Variants in PTPN14 observed in about 807,000 individuals in gnomAD.
PTPN14 encodes protein tyrosine phosphatase non-receptor type 14, also known as tyrosine-protein phosphatase non-receptor type 14.
A neutral mutation model predicts 126.8 loss-of-function variants in PTPN14; 53 were observed. The ratio of observed to expected loss-of-function variants is 0.42; its 90% CI spans 0.34 to 0.53. The LOEUF is 0.53. Among genes scored for constraint, PTPN14 ranks in the 20% least tolerant of loss-of-function variants. The probability of loss-of-function intolerance (pLI) is 0.08; values close to 1 mark genes in which losing one functional copy is unlikely to be tolerated. For missense variants in PTPN14, 1,257 were observed against 1,552.9 expected (o/e 0.81, Z 3.20); for synonymous variants, 630 against 599.3 (o/e 1.05, Z -0.75).
At chr1:214,534,570 G>A (rs1032674505) in intron 1 of PTPN14, among the ~76,000 whole-genome samples, 8 of 151,962 alleles carry the variant, frequency 5.3e-5, no homozygotes, top group Non-Finnish European at 8.8e-5. Context: ...AAAACTAGCC[G>A]GGCATGGTGG....
intron 10 of PTPN14, among the ~76,000 whole-genome samples, chr1:214,392,468 T>G (rs1263686201): frequency 6.6e-6 from 1 of 151,968 alleles, no homozygotes; most frequent in Non-Finnish European, 1.5e-5. Flanking sequence ...AAGACAAGAG[T>G]AAAATCCAGT....
chr1:214,421,742 A>C (rs1659549105), intron 3 of PTPN14, among the ~76,000 whole-genome samples: 1 of 152,058 alleles, frequency 6.6e-6, no homozygotes, highest in South Asian at 2.1e-4. Context: ...AGCTGTCGTA[A>C]GTGTGCGGTG....
chr1:214,413,980 A>C (rs1328154139), intron 4 of PTPN14, among the ~76,000 whole-genome samples: 1 of 147,158 alleles, frequency 6.8e-6, no homozygotes, highest in Non-Finnish European at 1.5e-5. Context: ...TCTTGCTTTC[A>C]ATATGGCCTA....
intron 1 of PTPN14, among the ~76,000 whole-genome samples, chr1:214,516,213 C>T (rs573579876): frequency 3.3e-5 from 5 of 152,322 alleles, no homozygotes; most frequent in South Asian, 4.2e-4. Flanking sequence ...ACAGTGTCTT[C>T]ACCCTTCCTT....
Position 214,405,505 on chromosome 1 carries a change from G to A in PTPN14, c.511-2552C>T, listed in dbSNP as rs555715004. 9.2e-5 allele frequency among the ~76,000 whole-genome samples: 14 copies of A among 151,692 alleles called. No homozygotes were observed. In the South Asian group the frequency reaches 2.9e-3, roughly 32 times the overall value. ...GCTTCTTGAACTGAACTCACTATGC[G>A]ACATGTAAATTTCATATTGTCAAAC... On this transcript the variant is annotated intron_variant, in intron 5 of 18. Coordinates refer to ENST00000366956, the MANE Select transcript of PTPN14 (RefSeq NM_005401.5).
chr1:214,425,008 G>C (rs1659629925), intron 3 of PTPN14, among the ~76,000 whole-genome samples: 1 of 152,046 alleles, frequency 6.6e-6, no homozygotes, highest in South Asian at 2.1e-4. Flanking sequence ...CGTTGGCCAG[G>C]CTGGTCTCGA....
intron 10 of PTPN14, among the ~76,000 whole-genome samples, chr1:214,393,435 G>A (rs948873824): frequency 2.6e-5 from 4 of 152,182 alleles, no homozygotes; most frequent in East Asian, 3.9e-4. Flanking sequence ...TTGGAAAGGC[G>A]CTAATGTGGG....
chr1:214,490,696 G>C lies in PTPN14; in HGVS notation c.-154-25739C>G, dbSNP rs184002850. ...TACTAAAAATACAAAAGTTAGCCAG[G>C]CGTGGTGGTGCGCGCCTGTAATCCC... On this transcript the variant is annotated intron_variant, in intron 1 of 18. Coordinates refer to ENST00000366956, the MANE Select transcript of PTPN14 (RefSeq NM_005401.5). 2.0e-5 allele frequency among the ~76,000 whole-genome samples: 3 copies of C among 151,152 alleles called. No individual in the cohort carries two copies. The East Asian group carries it at 5.9e-4, about 30-fold the overall frequency.
At chr1:214,475,580 C>A (rs138138822) in intron 1 of PTPN14, among the ~76,000 whole-genome samples, 1 of 152,200 alleles carries the variant, frequency 6.6e-6, no homozygotes, top group East Asian at 1.9e-4. Flanking sequence ...AATTCCACTT[C>A]TTTTTGCTGT....
Position 214,360,147 on chromosome 1 carries a change from T to A in PTPN14, c.3436-2097A>T, listed in dbSNP as rs1176508733. ...GAAGTTTTCAAGGGCTAAGCAAGTG[T>A]TTAAAAGAAAATAATAAAAACTCAG... On this transcript the variant is annotated intron_variant, in intron 18 of 18. Coordinates refer to ENST00000366956, the MANE Select transcript of PTPN14 (RefSeq NM_005401.5). 2.0e-5 allele frequency among the ~76,000 whole-genome samples: 3 copies of A among 152,126 alleles called. No individual in the cohort carries two copies. The East Asian group carries it at 5.8e-4, about 29-fold the overall frequency.
intron 10 of PTPN14, among the ~76,000 whole-genome samples, chr1:214,392,233 C>T (rs746939734): frequency 1.3e-4 from 19 of 151,798 alleles, no homozygotes; most frequent in Non-Finnish European, 2.5e-4. Flanking sequence ...ATTTTGAGAG[C>T]GTGCCCCAGG....
At chr1:214,370,293 A>AG (rs1259451049) in intron 16 of PTPN14, among the ~76,000 whole-genome samples, 1 of 151,938 alleles carries the variant, frequency 6.6e-6, no homozygotes, top group East Asian at 1.9e-4. Context: ...AAAAAAAAAA[A>AG]AAAGAAAAAA....
At chr1:214,429,692 T>C (rs1659754320) in intron 3 of PTPN14, among the ~76,000 whole-genome samples, 1 of 152,218 alleles carries the variant, frequency 6.6e-6, no homozygotes, top group Admixed American at 6.5e-5. Context: ...GAAAAATCCT[T>C]GATATTTTGC....
intron 3 of PTPN14, among the ~76,000 whole-genome samples, chr1:214,415,824 T>G (rs2102586401): frequency 6.6e-6 from 1 of 152,244 alleles, no homozygotes; most frequent in African/African-American, 2.4e-5. Context: ...ATACCACTCT[T>G]TGGTGGGAAA....
chr1:214,416,832 C>G (rs935246405), intron 3 of PTPN14, among the ~76,000 whole-genome samples: 29 of 152,086 alleles, frequency 1.9e-4, no homozygotes, highest in African/African-American at 7.0e-4. Context: ...ATAATTCTAT[C>G]GAATATGATG....
chr1:214,538,107 G>A (rs73079748), intron 1 of PTPN14, among the ~76,000 whole-genome samples: 5,856 of 152,268 alleles, frequency 0.038, 203 homozygotes, highest in African/African-American at 0.1. Context: ...ATTAGTTGCT[G>A]ATTCTTTTCA....
At chr1:214,380,097 CTTTG>C (rs1378172413) in intron 13 of PTPN14, among the ~76,000 whole-genome samples, 2 of 152,150 alleles carry the variant, frequency 1.3e-5, no homozygotes, top group Non-Finnish European at 2.9e-5. Context: ...ATTTTTAGGT[CTTTG>C]TTTGCTTGCT....
intron 7 of PTPN14, 41 bp downstream of exon 7, chr1:214,401,644 G>A (rs201141888): frequency 2.0e-6 from 3 of 1,463,952 alleles, no homozygotes; most frequent in South Asian, 1.3e-5. Flanking sequence ...GCCAGTACCG[G>A]TCTGAGAAGG....
rs538318151 is a variant in PTPN14 at position 214,349,853 on chromosome 1, A to G, written c.*8069T>C. On this transcript the variant is annotated 3_prime_UTR_variant, in exon 19 of 19. Transcript: ENST00000366956. The stretch of plus-strand genomic sequence containing the variant: ...AAAATGGCTCTGAATTACAGCATTC[A>G]GTTCTATGCTCAAGGTATGTATTAG... The G allele has an allele frequency of 5.9e-5, 9 of 152,298 alleles. No homozygotes were observed. The East Asian group carries it at 1.4e-3, about 23-fold the overall frequency. The allele number at this position is 152,298 out of a possible 1,614,324, so 9.4% of individuals were successfully genotyped here. A position where few individuals can be genotyped will look rare whatever the true frequency, so the allele number is the denominator to read the frequency against.
Sources: allele counts gnomAD v4.1 joint callset (sites outside exome capture counted in the v4.1 genomes callset), GRCh38; gene constraint gnomAD v4.1.1; transcripts MANE v1.5; gene names NCBI Gene and HGNC (gene_info 2026-07-23, HGNC 2026-07-21).